CUL3: variants seen among roughly 807,000 people sequenced by gnomAD.
The protein encoded by CUL3 is cullin-3.
Under a neutral mutation model 89.1 loss-of-function variants are expected in CUL3, and 19 were observed. That is an observed-to-expected ratio of 0.21 (90% CI 0.15 to 0.31). The LOEUF is 0.31. Ranked by LOEUF, CUL3 falls within the 10% of genes least tolerant of loss-of-function variation. The pLI is 1.00. For synonymous variants in CUL3, 351 were observed against 308.4 expected (o/e 1.14, Z -1.45); for missense variants, 469 against 942.3 (o/e 0.50, Z 6.58).
intron 13 of CUL3, among the ~76,000 whole-genome samples, chr2:224,487,443 C>CCAA (rs1491386973): frequency 7.1e-5 from 2 of 28,086 alleles, no homozygotes; most frequent in African/African-American, 2.0e-4. Flanking sequence ...CCGCCCCCCC[C>CCAA]AAAAAAAAAA....
At chr2:224,500,324 T>TAA in intron 11 of CUL3, 39 bp downstream of exon 11, 2 of 1,606,838 alleles carry the variant, frequency 1.2e-6, no homozygotes, top group Non-Finnish European at 1.7e-6. Context: ...TTTGAACACT[T>TAA]ACTTGTACAC....
Position 224,504,079 on chromosome 2 carries a change from G to A in CUL3, c.1207-257C>T, listed in dbSNP as rs186155393. 30 of 309,704 alleles carry A rather than the reference G, an allele frequency of 9.7e-5. No individual in the cohort carries two copies. In the East Asian group the frequency reaches 1.7e-3, roughly 17 times the overall value. The allele number at this position is 309,704 out of a possible 1,614,324, so 19.2% of individuals were successfully genotyped here. On this transcript the variant is annotated intron_variant, in intron 8 of 15. Coordinates refer to ENST00000264414, the MANE Select transcript of CUL3 (RefSeq NM_003590.5). ...GTAGAGGGCTACCACTGAATTGGAG[G>A]CATAAGGTAATATAGCGCTGGGTTA...
intron 2 of CUL3, among the ~76,000 whole-genome samples, chr2:224,541,018 C>G (rs1359472011): frequency 6.6e-6 from 1 of 151,956 alleles, no homozygotes; most frequent in Non-Finnish European, 1.5e-5. Context: ...AGAAAAAGGT[C>G]AGATTACAAT....
chr2:224,505,138 GTT>G (rs11428046), intron 8 of CUL3, among the ~76,000 whole-genome samples: 3 of 137,698 alleles, frequency 2.2e-5, no homozygotes, highest in Admixed American at 7.4e-5. Context: ...TAGTTGTTCA[GTT>G]TTTTTTTTTT....
intron 2 of CUL3, among the ~76,000 whole-genome samples, chr2:224,540,720 C>T (rs1483227008): frequency 6.6e-6 from 1 of 152,174 alleles, no homozygotes; most frequent in Non-Finnish European, 1.5e-5. Flanking sequence ...ACAGGATCCA[C>T]GTGCAGAACG....
intron 2 of CUL3, among the ~76,000 whole-genome samples, chr2:224,553,004 A>G (rs1472899501): frequency 2.0e-5 from 3 of 152,232 alleles, no homozygotes; most frequent in East Asian, 3.8e-4. Flanking sequence ...CATGCAAACT[A>G]TGCTTTTGCA....
chr2:224,481,835 T>C (rs1339830094), intron 14 of CUL3, 57 bp downstream of exon 14: 2 of 1,233,798 alleles, frequency 1.6e-6, no homozygotes, highest in East Asian at 2.9e-5. Flanking sequence ...GATGAGATTT[T>C]TTTTCTAAAG....
Position 224,542,300 on chromosome 2 carries a change from T to TA in CUL3, c.265-6660dup, listed in dbSNP as rs1694139380. Among the ~76,000 whole-genome samples the TA allele has an allele frequency of 1.3e-5, 2 of 152,294 alleles. 1 individual carries two copies. Among genetic ancestry groups the TA allele is most frequent in the South Asian group, 4.1e-4 (2 of 4,824 alleles). On this transcript the variant is annotated intron_variant, in intron 2 of 15. Coordinates refer to ENST00000264414, the MANE Select transcript of CUL3 (RefSeq NM_003590.5). ...TAAAAATTAAATCCTTAGCAAAGATTAAAGTGGAATTACTGTCAAAAGGAA... is the reference window on the plus strand; with the variant it reads ...TAAAAATTAAATCCTTAGCAAAGATTAAAAGTGGAATTACTGTCAAAAGGAA...
Position 224,535,661 on chromosome 2 carries a change from T to C in CUL3, c.265-20A>G. ...TCGCACCTAGTAACAGAAGAGTTCA[T>C]TAGTTTGCACACACACATCCACACA... is the stretch of plus-strand genomic sequence containing the variant. On this transcript the variant is annotated intron_variant, in intron 2 of 15. Transcript: ENST00000264414. The C allele has an allele frequency of 1.3e-6, 2 of 1,513,124 alleles. No individual in the cohort carries two copies. The highest frequency in any genetic ancestry group is 1.8e-6 in the Non-Finnish European group (2 of 1,088,564). The allele number at this position is 1,513,124 out of a possible 1,614,324, so 93.7% of individuals were successfully genotyped here.
chr2:224,571,614 A>C lies in CUL3; in HGVS notation c.66+13330T>G, dbSNP rs909392925. On this transcript the variant is annotated intron_variant, in intron 1 of 15. Transcript: ENST00000264414. Reference sequence around the variant, plus strand: ...CACAAAATTGTTACAAAAATCTGCTATAAGTCTGTTTAAAACTTTCCTACA... The same window carrying C: ...CACAAAATTGTTACAAAAATCTGCTCTAAGTCTGTTTAAAACTTTCCTACA... Among the ~76,000 whole-genome samples, 6 of 152,162 alleles carry C rather than the reference A, an allele frequency of 3.9e-5. No individual in the cohort carries two copies. The South Asian group carries it at 1.0e-3, about 26-fold the overall frequency.
chr2:224,581,034 T>C (rs181954370), intron 1 of CUL3, among the ~76,000 whole-genome samples: 161 of 152,330 alleles, frequency 1.1e-3, no homozygotes, highest in African/African-American at 3.6e-3. Context: ...CAGTTAATAA[T>C]ACTATATTAC....
intron 3 of CUL3, among the ~76,000 whole-genome samples, chr2:224,534,729 T>A (rs1693819561): frequency 6.6e-6 from 1 of 152,048 alleles, no homozygotes; most frequent in African/African-American, 2.4e-5. Flanking sequence ...ACGCCTGTAA[T>A]CCCAGCACTT....
At chr2:224,578,394 A>G (rs2106326261) in intron 1 of CUL3, among the ~76,000 whole-genome samples, 1 of 152,302 alleles carries the variant, frequency 6.6e-6, no homozygotes, top group Non-Finnish European at 1.5e-5. Context: ...TCAGCCAACA[A>G]TATGAAATTA....
In CUL3 at chr2:224,505,959, T is replaced by A. The variant is rs2106202551; in HGVS notation, c.1203A>T (p.Lys401Asn). ...TTTCAAATGCATTACTACTTACCCC[T>A]TTGACTCCCTTTTTCAGCTTATCAT... ...FIDDKLKKGV[K>N]GLTEQEVETI... Residue 401 changes from lysine to asparagine, a missense_variant, in exon 8 of 16, where the codon AAA becomes AAT. Lys to Asn is a moderately conservative substitution (Grantham distance 94, BLOSUM62 0). Around this residue, in one of 4 missense-constraint regions of CUL3, gnomAD observed 370 missense variants for 733.2 expected, o/e 0.50. Transcript: ENST00000264414. 6.3e-7 allele frequency: 1 copy of A among 1,579,948 alleles called. No homozygotes were observed. The highest frequency in any genetic ancestry group is 8.6e-7 in the Non-Finnish European group (1 of 1,160,118).
At chr2:224,553,798 T>A (rs1004868076) in intron 2 of CUL3, among the ~76,000 whole-genome samples, 2 of 152,200 alleles carry the variant, frequency 1.3e-5, no homozygotes, top group African/African-American at 4.8e-5. Context: ...GCAAGCACCT[T>A]GATCTTGGAC....
At chr2:224,525,702 TC>T (rs1358504684) in intron 3 of CUL3, among the ~76,000 whole-genome samples, 3 of 152,200 alleles carry the variant, frequency 2.0e-5, no homozygotes, top group African/African-American at 7.2e-5. Context: ...TATTATTTGC[TC>T]TTTTGAGTAG....
chr2:224,539,930 G>A (rs1397579735), intron 2 of CUL3, among the ~76,000 whole-genome samples: 4 of 152,096 alleles, frequency 2.6e-5, no homozygotes, highest in Non-Finnish European at 4.4e-5. Context: ...GAGTGATGAC[G>A]TGTCAATGTA....
intron 15 of CUL3, among the ~76,000 whole-genome samples, chr2:224,475,711 T>C (rs533959362): frequency 6.6e-6 from 1 of 152,296 alleles, no homozygotes; most frequent in Admixed American, 6.5e-5. Context: ...CCTATCGACT[T>C]GCTCCCTCCC....
chr2:224,478,169 C>T (rs1162895798), intron 15 of CUL3, 31 bp downstream of exon 15: 3 of 1,516,306 alleles, frequency 2.0e-6, no homozygotes, highest in Admixed American at 4.3e-5. Flanking sequence ...ACTGTTTTTT[C>T]TATATTAGCC....
Sources: allele counts gnomAD v4.1 joint callset (sites outside exome capture counted in the v4.1 genomes callset), GRCh38; gene constraint gnomAD v4.1.1; regional missense constraint gnomAD v4.1.1; transcripts MANE v1.5; gene names NCBI Gene and HGNC (gene_info 2026-07-23, HGNC 2026-07-21).